CLIP1: variants seen among roughly 807,000 people sequenced by gnomAD.
CLIP1 encodes the protein CAP-Gly domain-containing linker protein 1.
A neutral mutation model predicts 161.6 loss-of-function variants in CLIP1; 66 were observed. The observed-to-expected ratio is 0.41, with a 90% CI of 0.33 to 0.50. The LOEUF (loss-of-function observed/expected upper bound fraction) is 0.50. Among genes scored for constraint, CLIP1 ranks in the 20% least tolerant of loss-of-function variants. The probability of loss-of-function intolerance (pLI) is 0.27; values close to 1 mark genes in which losing one functional copy is unlikely to be tolerated. For synonymous variants in CLIP1, 598 were observed against 626.2 expected (o/e 0.96, Z 0.67); for missense variants, 1,376 against 1,702.0 (o/e 0.81, Z 3.37).
At chr12:122,335,390 G>A (rs1274107808) in intron 12 of CLIP1, among the ~76,000 whole-genome samples, 1 of 151,814 alleles carries the variant, frequency 6.6e-6, no homozygotes, top group Admixed American at 6.6e-5. Flanking sequence ...CCAGACTCAA[G>A]GTGGCATGTC....
intron 5 of CLIP1, among the ~76,000 whole-genome samples, chr12:122,356,696 T>C (rs1452513613): frequency 6.6e-6 from 1 of 152,142 alleles, no homozygotes; most frequent in African/African-American, 2.4e-5. Context: ...GAGCCGAAGC[T>C]GGACTGTACT....
At chr12:122,388,387 T>C (rs1566211004) in intron 1 of CLIP1, among the ~76,000 whole-genome samples, 1 of 152,144 alleles carries the variant, frequency 6.6e-6, no homozygotes, top group Non-Finnish European at 1.5e-5. Context: ...GCCCGGCTAA[T>C]TTTTTGTATT....
intron 15 of CLIP1, among the ~76,000 whole-genome samples, chr12:122,332,227 G>A (rs1282443618): frequency 5.3e-5 from 8 of 150,736 alleles, no homozygotes; most frequent in Non-Finnish European, 8.9e-5. Context: ...CCCAGGAGGC[G>A]GAGGTTGTGG....
chr12:122,360,131 TCCAAGAGTTCC>T (rs1953702065), intron 5 of CLIP1, among the ~76,000 whole-genome samples: 1 of 152,166 alleles, frequency 6.6e-6, no homozygotes. Context: ...CTCTTCCAGC[TCCAAGAGTTCC>T]CTTTAGTGTC....
At chr12:122,302,854 C>T (rs1950741320) in intron 20 of CLIP1, among the ~76,000 whole-genome samples, 1 of 152,184 alleles carries the variant, frequency 6.6e-6, no homozygotes, top group Non-Finnish European at 1.5e-5. Flanking sequence ...ACCTCGGCCT[C>T]ACACAGTCCT....
At chr12:122,288,342 A>AT in intron 21 of CLIP1, 147 bp downstream of exon 21, 1 of 683,440 alleles carries the variant, frequency 1.5e-6, no homozygotes, top group East Asian at 2.9e-5. Flanking sequence ...GGATTTTCAT[A>AT]TTTTGTCAGT....
Position 122,316,823 on chromosome 12 carries a change from AT to A in CLIP1, c.3398del (p.Asn1133MetfsTer5). The A allele has an allele frequency of 6.3e-7, 1 of 1,589,860 alleles. No homozygotes were observed. The highest frequency in any genetic ancestry group is 1.8e-5 in the Admixed American group (1 of 55,664). On this transcript the variant is annotated frameshift_variant, in exon 19 of 26. Transcript: ENST00000620786. LOFTEE classifies it high-confidence loss of function. Reference sequence around the variant, plus strand: ...CTTTTGATTTGTTCAGCTCTTCCACATTTTTCAAGTTGTTTTCTTTAAGTGT... The same window carrying A: ...CTTTTGATTTGTTCAGCTCTTCCACATTTTCAAGTTGTTTTCTTTAAGTGT... ...LDTLKENNLK[N>X]VEELNKSKEL... is the part of the protein sequence containing the mutation.
intron 1 of CLIP1, among the ~76,000 whole-genome samples, chr12:122,401,401 G>A (rs374574534): frequency 1.1e-4 from 17 of 152,166 alleles, no homozygotes; most frequent in African/African-American, 2.9e-4. Flanking sequence ...TCAATGGGCC[G>A]GGCACGGTAA....
At position 122,278,917 on chromosome 12, in the gene CLIP1, G is replaced by A; in HGVS notation, c.3791C>T (p.Ala1264Val). Reference protein sequence around the residue: ...NEVTVLRGENASAKSLHSVVQ... With the variant: ...NEVTVLRGENVSAKSLHSVVQ... ...AACTGAATGCAAGGACTTGGCAGAG[G>A]CGTTTTCTCCCCTGAGCACTGTGAC... is the stretch of plus-strand genomic sequence containing the variant. The change falls in exon 23 of 26, where the codon GCC (alanine) becomes GTC (valine). Residue 1264 changes from alanine to valine, a missense_variant. Coordinates refer to ENST00000620786, the MANE Select transcript of CLIP1 (RefSeq NM_001247997.2). 1.2e-6 allele frequency: 2 copies of A among 1,611,662 alleles called. No homozygotes were observed. Among genetic ancestry groups the A allele is most frequent in the Non-Finnish European group, 8.5e-7 (1 of 1,179,464 alleles).
intron 5 of CLIP1, among the ~76,000 whole-genome samples, chr12:122,358,752 A>T (rs1464617007): frequency 1.4e-5 from 2 of 145,940 alleles, no homozygotes; most frequent in Non-Finnish European, 2.9e-5. Flanking sequence ...TTTAAAAAAA[A>T]AAAAAAAAAA....
Position 122,340,807 on chromosome 12 carries a change from T to C in CLIP1, c.2397A>G (p.Ala799=), listed in dbSNP as rs1292142008. 2 of 1,610,872 alleles carry C rather than the reference T, an allele frequency of 1.2e-6. No homozygotes were observed. Among genetic ancestry groups the C allele is most frequent in the Non-Finnish European group, 1.7e-6 (2 of 1,178,896 alleles). ...EMKKLRQQLE[A]AEKQIKHLEI... ...CTAAATGTTTAATCTGTTTCTCAGCTGCCTCAAGCTGCTGTCTAAGTTTCT... is the reference window on the plus strand; with the variant it reads ...CTAAATGTTTAATCTGTTTCTCAGCCGCCTCAAGCTGCTGTCTAAGTTTCT... The change falls in exon 11 of 26, where the codon GCA becomes GCG. Residue 799 remains alanine (A), a synonymous_variant. Transcript: ENST00000620786.
intron 1 of CLIP1, among the ~76,000 whole-genome samples, chr12:122,409,102 C>T (rs775040992): frequency 7.3e-5 from 11 of 151,686 alleles, no homozygotes; most frequent in Non-Finnish European, 1.5e-4. Context: ...TGAGTTACCA[C>T]GCCCAGCCTA....
intron 1 of CLIP1, among the ~76,000 whole-genome samples, chr12:122,382,338 G>T (rs1955043034): frequency 6.6e-6 from 1 of 151,020 alleles, no homozygotes; most frequent in Non-Finnish European, 1.5e-5. Context: ...TCCCGCCTGG[G>T]CAACGAGAGC....
chr12:122,296,627 A>G (rs1490709804), intron 20 of CLIP1, among the ~76,000 whole-genome samples: 2 of 152,224 alleles, frequency 1.3e-5, no homozygotes, highest in Non-Finnish European at 2.9e-5. Flanking sequence ...TTTAAAATAA[A>G]TAATTCTTAT....
intron 1 of CLIP1, among the ~76,000 whole-genome samples, chr12:122,398,687 G>C (rs887893169): frequency 6.6e-6 from 1 of 151,530 alleles, no homozygotes; most frequent in African/African-American, 2.4e-5. Context: ...GGGCAACATA[G>C]TGAAACCCCA....
At chr12:122,348,838 G>A (rs904688412) in intron 9 of CLIP1, among the ~76,000 whole-genome samples, 6 of 152,216 alleles carry the variant, frequency 3.9e-5, no homozygotes, top group African/African-American at 1.4e-4. Flanking sequence ...GACACAAAGT[G>A]CAGAGCTTCA....
At chr12:122,365,149 T>C (rs1954078132) in intron 3 of CLIP1, 3 of 421,790 alleles carry the variant, frequency 7.1e-6, no homozygotes, top group Non-Finnish European at 8.3e-6. Context: ...GACGAGTTAA[T>C]GGGTGCAGCA....
At chr12:122,289,534 A>G (rs1259257836) in intron 20 of CLIP1, among the ~76,000 whole-genome samples, 2 of 152,144 alleles carry the variant, frequency 1.3e-5, no homozygotes. Context: ...TACAGGCTAC[A>G]TACTCTCTGT....
intron 19 of CLIP1, among the ~76,000 whole-genome samples, chr12:122,310,499 T>G (rs921456154): frequency 6.6e-5 from 10 of 152,218 alleles, no homozygotes; most frequent in Non-Finnish European, 1.2e-4. Flanking sequence ...AATGCTAATT[T>G]ATAATTGAAA....
Sources: allele counts gnomAD v4.1 joint callset (sites outside exome capture counted in the v4.1 genomes callset), GRCh38; gene constraint gnomAD v4.1.1; transcripts MANE v1.5; gene names NCBI Gene and HGNC (gene_info 2026-07-23, HGNC 2026-07-21).